The following NRG3 variants were observed in gnomAD, a reference collection of about 807,000 sequenced individuals.
NRG3 encodes neuregulin 3.
A neutral mutation model predicts 66.9 loss-of-function variants in NRG3; 31 were observed. The observed-to-expected ratio is 0.46, with a 90% CI of 0.35 to 0.63. The LOEUF (loss-of-function observed/expected upper bound fraction) is 0.63. Among genes scored for constraint, NRG3 ranks in the 20% least tolerant of loss-of-function variants. NRG3 has a pLI of 0.00. For missense variants in NRG3, 910 were observed against 878.9 expected, an observed-to-expected ratio of 1.04 and a Z score of -0.45; for synonymous variants, 393 against 359.4, an observed-to-expected ratio of 1.09 and a Z score of -1.06.
intron 1 of NRG3, among the ~76,000 whole-genome samples, chr10:82,081,382 T>C (rs538873411): frequency 1.1e-3 from 169 of 152,224 alleles, no homozygotes; most frequent in African/African-American, 3.9e-3. Flanking sequence ...CTTTTTTTTT[T>C]CCAGTTACAG....
chr10:82,427,986 G>A (rs1341283896), intron 2 of NRG3, among the ~76,000 whole-genome samples: 1 of 151,764 alleles, frequency 6.6e-6, no homozygotes, highest in Non-Finnish European at 1.5e-5. Flanking sequence ...TATTTAATTT[G>A]CTAACAACAG....
chr10:82,208,397 C>T (rs972696701), intron 1 of NRG3, among the ~76,000 whole-genome samples: 8 of 152,100 alleles, frequency 5.3e-5, no homozygotes, highest in African/African-American at 1.9e-4. Flanking sequence ...AATAATAATT[C>T]TGGAGCCACT....
intron 2 of NRG3, among the ~76,000 whole-genome samples, chr10:82,715,439 C>G (rs1385324795): frequency 6.6e-6 from 1 of 152,296 alleles, no homozygotes; most frequent in East Asian, 1.9e-4. Context: ...TGTCATCCCT[C>G]CTCTGCTGGA....
chr10:82,825,330 T>C (rs1336216097), intron 3 of NRG3, among the ~76,000 whole-genome samples: 1 of 152,232 alleles, frequency 6.6e-6, no homozygotes, highest in Admixed American at 6.5e-5. Flanking sequence ...TTGATACATC[T>C]TGAGTTAATT....
chr10:82,326,658 T>G (rs748987545), intron 1 of NRG3, among the ~76,000 whole-genome samples: 47 of 152,196 alleles, frequency 3.1e-4, no homozygotes, highest in Non-Finnish European at 3.1e-4. Flanking sequence ...TTCTGCAATG[T>G]CTAATGTGTC....
At chr10:82,143,651 G>T (rs1010407148) in intron 1 of NRG3, among the ~76,000 whole-genome samples, 1 of 152,100 alleles carries the variant, frequency 6.6e-6, no homozygotes, top group African/African-American at 2.4e-5. Context: ...GGTAGTCCTG[G>T]GGCCTTCATT....
At chr10:82,964,498 G>A (rs1037253251) in intron 6 of NRG3, among the ~76,000 whole-genome samples, 1 of 152,180 alleles carries the variant, frequency 6.6e-6, no homozygotes, top group Non-Finnish European at 1.5e-5. Flanking sequence ...TGCTTTAAAG[G>A]AAATGTGTGA....
intron 2 of NRG3, among the ~76,000 whole-genome samples, chr10:82,628,340 C>T (rs1388878351): frequency 6.6e-6 from 1 of 152,012 alleles, no homozygotes. Flanking sequence ...CATATTTTTC[C>T]TTTTGTCCTT....
intron 1 of NRG3, among the ~76,000 whole-genome samples, chr10:82,290,638 AT>A (rs10710319): frequency 0.47 from 67,860 of 144,810 alleles, 17,895 homozygotes; most frequent in African/African-American, 0.75. Context: ...ACTTCAAATG[AT>A]TTTTTTTTTT....
At chr10:82,957,969 T>A (rs1850237592) in intron 5 of NRG3, among the ~76,000 whole-genome samples, 1 of 152,150 alleles carries the variant, frequency 6.6e-6, no homozygotes, top group Non-Finnish European at 1.5e-5. Context: ...AGATGATTTC[T>A]GTGAAGCTTC....
chr10:82,098,636 C>T (rs2066525944), intron 1 of NRG3, among the ~76,000 whole-genome samples: 1 of 152,174 alleles, frequency 6.6e-6, no homozygotes, highest in Admixed American at 6.5e-5. Context: ...TGAAAATCTT[C>T]AATGAGAATT....
chr10:82,850,634 T>C (rs374078021), intron 3 of NRG3, among the ~76,000 whole-genome samples: 1 of 152,084 alleles, frequency 6.6e-6, no homozygotes, highest in African/African-American at 2.4e-5. Flanking sequence ...GTTGAAAAAT[T>C]ATTTGCATCT....
chr10:82,141,638 TAA>T (rs534218893), intron 1 of NRG3, among the ~76,000 whole-genome samples: 1 of 149,374 alleles, frequency 6.7e-6, no homozygotes. Context: ...TCTCTTAAAA[TAA>T]AAAAAAAATC....
intron 1 of NRG3, among the ~76,000 whole-genome samples, chr10:82,109,505 T>A (rs2067250652): frequency 6.6e-6 from 1 of 151,358 alleles, no homozygotes; most frequent in South Asian, 2.1e-4. Context: ...CTTATTGTGT[T>A]GCTCTAGGAA....
intron 1 of NRG3, among the ~76,000 whole-genome samples, chr10:81,968,501 C>T (rs779638063): frequency 1.3e-5 from 2 of 152,136 alleles, no homozygotes; most frequent in African/African-American, 2.4e-5. Flanking sequence ...ACAGCTCTGA[C>T]GTTGGGGGAC....
At chr10:82,506,103 C>A (rs911534515) in intron 2 of NRG3, among the ~76,000 whole-genome samples, 6 of 152,074 alleles carry the variant, frequency 3.9e-5, no homozygotes, top group East Asian at 1.9e-4. Flanking sequence ...AAAAAACTAG[C>A]GAGGCATGGT....
intron 2 of NRG3, among the ~76,000 whole-genome samples, chr10:82,702,257 G>A (rs916502179): frequency 6.6e-6 from 1 of 152,128 alleles, no homozygotes; most frequent in African/African-American, 2.4e-5. Flanking sequence ...TCATGAAAAT[G>A]GGTTAGAGAT....
intron 1 of NRG3, among the ~76,000 whole-genome samples, chr10:81,903,989 TATATATA>T (rs1368104915): frequency 0.023 from 2,954 of 126,604 alleles, 59 homozygotes; most frequent in East Asian, 0.081. Flanking sequence ...TATATATATA[TATATATA>T]TTTTTTTTTT....
At chr10:81,990,858 A>T (rs1421208941) in intron 1 of NRG3, among the ~76,000 whole-genome samples, 1 of 151,314 alleles carries the variant, frequency 6.6e-6, no homozygotes, top group East Asian at 1.9e-4. Context: ...GCTTAAAATT[A>T]AAAAAAATAA....
Sources: allele counts gnomAD v4.1 joint callset (sites outside exome capture counted in the v4.1 genomes callset), GRCh38; gene constraint gnomAD v4.1.1; transcripts MANE v1.5; gene names NCBI Gene and HGNC (gene_info 2026-07-23, HGNC 2026-07-21).